Variants in FAM50A observed in about 807,000 individuals in gnomAD.
FAM50A encodes protein FAM50A.
FAM50A carries 6 observed loss-of-function variants against 35.5 expected under a neutral mutation model. The observed-to-expected ratio is 0.17, with a 90% CI of 0.09 to 0.33. The LOEUF is 0.33. Ranked by LOEUF, FAM50A falls within the 10% of genes least tolerant of loss-of-function variation. The pLI is 1.00. For missense variants in FAM50A, 145 were observed against 295.5 expected, an observed-to-expected ratio of 0.49 and a Z score of 3.73; for synonymous variants, 120 against 110.9, an observed-to-expected ratio of 1.08 and a Z score of -0.52.
chrX:154,444,486 TC>T, intron 1 of FAM50A, 140 bp downstream of exon 1: 1 of 253,345 alleles, frequency 3.9e-6, no homozygotes, highest in Non-Finnish European at 6.6e-6. Flanking sequence ...CTCGCTGACT[TC>T]CAGCAGGGCA....
chrX:154,447,445 C>T (rs1429200188), intron 4 of FAM50A, among the ~76,000 whole-genome samples: 5 of 111,223 alleles, frequency 4.5e-5, no homozygotes, highest in African/African-American at 1.6e-4. Context: ...AACCTGCCAG[C>T]CACCTGCCAT....
chrX:154,450,411 G>T lies in FAM50A; in HGVS notation c.1012-13G>T, dbSNP rs1557200435. On this transcript the variant is annotated splice_polypyrimidine_tract_variant and intron_variant, in intron 12 of 12. Coordinates refer to ENST00000393600, the MANE Select transcript of FAM50A (RefSeq NM_004699.4). ...CTTCCTTGTCTCCTCTGCCCACCTT[G>T]TCCTCACACTAGATCCGCTGAGCAT... The T allele has an allele frequency of 8.3e-7, 1 of 1,211,122 alleles. No individual in the cohort carries two copies. Among genetic ancestry groups the T allele is most frequent in the South Asian group, 1.8e-5 (1 of 56,955 alleles).
At position 154,449,660 on chromosome X, in the gene FAM50A, C is replaced by T. The variant is rs375641146; in HGVS notation, c.726-21C>T. 1.4e-5 allele frequency: 17 copies of T among 1,202,272 alleles called. No individual in the cohort carries two copies. The South Asian group carries it at 2.8e-4, about 20-fold the overall frequency. ...AGGGGTGCTGTCCTCTTGCCCACGC[C>T]CTCCTGCCTTCCTCCCTCAGGTCCG... On this transcript the variant is annotated intron_variant, in intron 8 of 12. Coordinates refer to ENST00000393600, the MANE Select transcript of FAM50A (RefSeq NM_004699.4).
chrX:154,444,730 G>A (rs1174542826), intron 1 of FAM50A: 3 of 118,166 alleles, frequency 2.5e-5, no homozygotes, highest in Non-Finnish European at 5.2e-5. Context: ...GGCCCTCAGA[G>A]CCAGGCCTCT....
At chrX:154,448,059 C>CTTTTT (rs1324356165) in intron 4 of FAM50A, among the ~76,000 whole-genome samples, 3 of 84,801 alleles carry the variant, frequency 3.5e-5, no homozygotes, top group African/African-American at 2.0e-4. Flanking sequence ...TTGTTCTTTT[C>CTTTTT]TTTTTTTTCT....
rs782570130 is a variant in FAM50A, at chrX:154,449,738, G to A, written c.780+3G>A. On this transcript the variant is annotated splice_donor_region_variant and intron_variant, in intron 9 of 12. Transcript: ENST00000393600. Reference sequence around the variant, plus strand: ...AGGAGGACTTGATCATCCCTCACGTGAGTCCCTTCAGCCCCAGTACCCGCA... The same window carrying A: ...AGGAGGACTTGATCATCCCTCACGTAAGTCCCTTCAGCCCCAGTACCCGCA... The A allele has an allele frequency of 1.7e-6, 2 of 1,205,691 alleles. No individual in the cohort carries two copies. The highest frequency in any genetic ancestry group is 2.2e-6 in the Non-Finnish European group (2 of 891,396).
rs782296034 is a variant in FAM50A, at chrX:154,446,809, CG to C, written c.442+250del. Reference sequence around the variant, plus strand: ...TGGTAGCCACTTGCCCCAGGTGCCTCGTATGACTGGGGCACTAAATGGTGAA... The same window carrying C: ...TGGTAGCCACTTGCCCCAGGTGCCTCTATGACTGGGGCACTAAATGGTGAA... On this transcript the variant is annotated intron_variant, in intron 4 of 12. Coordinates refer to ENST00000393600, the MANE Select transcript of FAM50A (RefSeq NM_004699.4). Among the ~76,000 whole-genome samples, 46 of 112,368 alleles carry C rather than the reference CG, an allele frequency of 4.1e-4. No individual in the cohort carries two copies. The East Asian group carries it at 5.0e-3, about 12-fold the overall frequency.
rs2068797041 is a variant in FAM50A at position 154,449,675 on chromosome X, C to T, written c.726-6C>T. ...TTGCCCACGCCCTCCTGCCTTCCTC[C>T]CTCAGGTCCGCAGGGGTGGAGCAGC... On this transcript the variant is annotated splice_polypyrimidine_tract_variant and splice_region_variant and intron_variant, in intron 8 of 12. Coordinates refer to ENST00000393600, the MANE Select transcript of FAM50A (RefSeq NM_004699.4). 1 of 1,207,871 alleles carries T rather than the reference C, an allele frequency of 8.3e-7. No individual in the cohort carries two copies. The highest frequency in any genetic ancestry group is 1.1e-6 in the Non-Finnish European group (1 of 893,159).
chrX:154,444,285 T>G lies in FAM50A; in HGVS notation c.50T>G (p.Leu17Arg). 1 of 1,119,893 alleles carries G rather than the reference T, an allele frequency of 8.9e-7. No homozygotes were observed. Among genetic ancestry groups the G allele is most frequent in the Non-Finnish European group, 1.2e-6 (1 of 848,811 alleles). 92.3% of individuals were successfully genotyped at this position (1,119,893 alleles called of 1,213,427 possible). A position where few individuals can be genotyped will look rare whatever the true frequency, so the allele number is the denominator to read the frequency against. Residue 17 changes from leucine to arginine, a missense_variant, in exon 1 of 13, where the codon CTG (leucine) becomes CGG (arginine). By Grantham distance (102) the Leu-to-Arg change is moderately radical. Coordinates refer to ENST00000393600, the MANE Select transcript of FAM50A (RefSeq NM_004699.4). ...AGCGAGGCCGGCCGCGCCATGCACC[T>G]GATGAAGAAGCGGGAGAAGCAGCGC... ...AASEAGRAMHLMKKREKQREQ... is the reference protein window; with the variant it reads ...AASEAGRAMHRMKKREKQREQ...
intron 4 of FAM50A, among the ~76,000 whole-genome samples, chrX:154,448,072 C>CTTTTTTTTTTTTTT (rs781847663): frequency 1.9e-4 from 16 of 82,848 alleles, no homozygotes; most frequent in African/African-American, 6.7e-4. Context: ...TTTTTTCTTT[C>CTTTTTTTTTTTTTT]TTTTTTTTTT....
At chrX:154,447,962 GT>G (rs1219622919) in intron 4 of FAM50A, among the ~76,000 whole-genome samples, 1 of 110,828 alleles carries the variant, frequency 9.0e-6, no homozygotes, top group Non-Finnish European at 1.9e-5. Context: ...CACAGGTTCC[GT>G]TTAGGGGGCC....
chrX:154,448,469 T>A lies in FAM50A; in HGVS notation c.443-15T>A, dbSNP rs782567565. 8.4e-7 allele frequency: 1 copy of A among 1,195,841 alleles called. No individual in the cohort carries two copies. The highest frequency in any genetic ancestry group is 1.1e-6 in the Non-Finnish European group (1 of 881,463). ...TTATAATAATGCTATGATATTCGGC[T>A]TCCTTTTGTTCCAGAGATCACCACG... On this transcript the variant is annotated splice_polypyrimidine_tract_variant and intron_variant, in intron 4 of 12. Coordinates refer to ENST00000393600, the MANE Select transcript of FAM50A (RefSeq NM_004699.4).
intron 3 of FAM50A, 130 bp downstream of exon 3, chrX:154,446,041 G>A (rs1467526695): frequency 3.5e-5 from 17 of 489,059 alleles, no homozygotes; most frequent in Middle Eastern, 5.7e-4. Flanking sequence ...TCTAGCTTGC[G>A]ATTTGCATTT....
intron 7 of FAM50A, 40 bp from the exon 8 acceptor site, chrX:154,449,181 T>A (rs2068794259): frequency 8.7e-7 from 1 of 1,143,798 alleles, no homozygotes; most frequent in Non-Finnish European, 1.2e-6. Context: ...TTCTGCAGGC[T>A]TCCGCCTTCC....
rs782042773 is a variant in FAM50A at position 154,446,072 on chromosome X, T to G, written c.296+161T>G. Reference sequence around the variant, plus strand: ...CATTTCTCTCTCCCGCCTCCTCGGGTCCACGCTCACGTCTTTTCACCATGG... The same window carrying G: ...CATTTCTCTCTCCCGCCTCCTCGGGGCCACGCTCACGTCTTTTCACCATGG... On this transcript the variant is annotated intron_variant, in intron 3 of 12. Transcript: ENST00000393600. Among the ~76,000 whole-genome samples, 6 of 112,319 alleles carry G rather than the reference T, an allele frequency of 5.3e-5. No homozygotes were observed. In the South Asian group the frequency reaches 1.8e-3, roughly 34 times the overall value.
At position 154,450,516 on chromosome X, in the gene FAM50A, C is replaced by T; in HGVS notation, c.*84C>T. The stretch of plus-strand genomic sequence containing the variant: ...CACCGGGACTCCAGGCACCCGCTCC[C>T]CTGCGACCATGCCAGGCACGCTGGG... On this transcript the variant is annotated 3_prime_UTR_variant, in exon 13 of 13. Transcript: ENST00000393600. 2 of 1,041,961 alleles carry T rather than the reference C, an allele frequency of 1.9e-6. No homozygotes were observed. Among genetic ancestry groups the T allele is most frequent in the Non-Finnish European group, 2.7e-6 (2 of 753,069 alleles). 85.9% of individuals were successfully genotyped at this position (1,041,961 alleles called of 1,213,427 possible).
At chrX:154,446,238 C>A in intron 3 of FAM50A, 177 bp from the exon 4 acceptor site, 1 of 476,615 alleles carries the variant, frequency 2.1e-6, no homozygotes, top group Non-Finnish European at 3.7e-6. Context: ...TGTAACAGAG[C>A]CCTCGCCCAT....
chrX:154,449,384 T>C, intron 8 of FAM50A, 87 bp downstream of exon 8: 1 of 790,564 alleles, frequency 1.3e-6, no homozygotes, highest in Non-Finnish European at 1.9e-6. Context: ...ATGTGGGCGC[T>C]GTCTGGGCAA....
chrX:154,448,072 C>T (rs782790317), intron 4 of FAM50A, among the ~76,000 whole-genome samples: 56 of 82,834 alleles, frequency 6.8e-4, no homozygotes, highest in African/African-American at 2.8e-3. Context: ...TTTTTTCTTT[C>T]TTTTTTTTTT....
Sources: allele counts gnomAD v4.1 joint callset (sites outside exome capture counted in the v4.1 genomes callset), GRCh38; gene constraint gnomAD v4.1.1; transcripts MANE v1.5; gene names NCBI Gene and HGNC (gene_info 2026-07-23, HGNC 2026-07-21).